The following SMARCC1 variants were observed in gnomAD, a reference collection of about 807,000 sequenced individuals.
SMARCC1 encodes SWI/SNF complex subunit SMARCC1.
A neutral mutation model predicts 147.4 loss-of-function variants in SMARCC1; 43 were observed. That is an observed-to-expected ratio of 0.29 (90% CI 0.23 to 0.38). The LOEUF (loss-of-function observed/expected upper bound fraction) is 0.38, where lower values mean the gene tolerates loss of function less well. SMARCC1 is among the 10% of genes least tolerant of loss of function. SMARCC1 has a pLI of 1.00. For synonymous variants in SMARCC1, 495 were observed against 484.4 expected (o/e 1.02, Z -0.29); for missense variants, 1,119 against 1,381.1 (o/e 0.81, Z 3.01).
chr3:47,720,695 C>T lies in SMARCC1; in HGVS notation c.687G>A (p.Val229=). 1.2e-6 allele frequency: 2 copies of T among 1,613,092 alleles called. No individual in the cohort carries two copies. Among genetic ancestry groups the T allele is most frequent in the Non-Finnish European group, 1.7e-6 (2 of 1,179,180 alleles). Residue 229 remains valine (V), a synonymous_variant, in exon 7 of 28, where the codon GTG becomes GTA. Coordinates refer to ENST00000254480, the MANE Select transcript of SMARCC1 (RefSeq NM_003074.4). Reference sequence around the variant, plus strand: ...CTGGGTAAAAGCCCCAATGCACTAACACTTGCTTCTCTTTTCTCATCACCG... The same window carrying T: ...CTGGGTAAAAGCCCCAATGCACTAATACTTGCTTCTCTTTTCTCATCACCG... ...LRPVMRKEKQ[V]LVHWGFYPDS...
At chr3:47,725,133 T>C (rs1487286822) in intron 6 of SMARCC1, among the ~76,000 whole-genome samples, 1 of 151,500 alleles carries the variant, frequency 6.6e-6, no homozygotes, top group Non-Finnish European at 1.5e-5. Flanking sequence ...AAATGTTATG[T>C]GTTTTTTACC....
intron 9 of SMARCC1, among the ~76,000 whole-genome samples, chr3:47,709,237 G>A (rs1315104808): frequency 6.6e-6 from 1 of 151,950 alleles, no homozygotes; most frequent in Non-Finnish European, 1.5e-5. Flanking sequence ...CTCCAGCCTG[G>A]GCAATAGAAC....
At chr3:47,752,473 T>C (rs1226285143) in intron 2 of SMARCC1, among the ~76,000 whole-genome samples, 2 of 152,104 alleles carry the variant, frequency 1.3e-5, no homozygotes, top group African/African-American at 2.4e-5. Flanking sequence ...ACTTGTTAAT[T>C]CGTATTGGAA....
At chr3:47,777,638 C>T (rs1484796128) in intron 1 of SMARCC1, among the ~76,000 whole-genome samples, 1 of 151,938 alleles carries the variant, frequency 6.6e-6, no homozygotes, top group African/African-American at 2.4e-5. Flanking sequence ...AGTGATTCTC[C>T]TGCCTCAGTC....
intron 20 of SMARCC1, 72 bp from the exon 21 acceptor site, chr3:47,661,527 C>G: frequency 8.2e-7 from 1 of 1,219,658 alleles, no homozygotes; most frequent in Non-Finnish European, 1.2e-6. Context: ...AAACCACCAC[C>G]AGGAAACCCA....
At chr3:47,598,899 A>T (rs999690273) in intron 26 of SMARCC1, among the ~76,000 whole-genome samples, 2 of 151,372 alleles carry the variant, frequency 1.3e-5, no homozygotes, top group African/African-American at 4.9e-5. Flanking sequence ...AGAGACAAAG[A>T]CAGAGAGAGA....
intron 24 of SMARCC1, 69 bp downstream of exon 24, chr3:47,635,121 A>G: frequency 2.2e-6 from 3 of 1,368,182 alleles, no homozygotes; most frequent in Non-Finnish European, 3.1e-6. Context: ...AAATGTTCCC[A>G]ATTAACTAAA....
At chr3:47,635,933 G>A (rs1335880500) in intron 23 of SMARCC1, 89 bp downstream of exon 23, 4 of 682,552 alleles carry the variant, frequency 5.9e-6, no homozygotes, top group Non-Finnish European at 1.0e-5. Flanking sequence ...CAAAATAAAT[G>A]AGGAAATATT....
intron 10 of SMARCC1, among the ~76,000 whole-genome samples, chr3:47,703,088 C>A (rs554956474): frequency 1.4e-4 from 22 of 152,194 alleles, no homozygotes; most frequent in African/African-American, 4.6e-4. Context: ...CAATCACGCA[C>A]CGGCTAATTT....
intron 26 of SMARCC1, 43 bp downstream of exon 26, chr3:47,610,023 T>A: frequency 1.2e-6 from 2 of 1,605,062 alleles, no homozygotes; most frequent in Non-Finnish European, 1.7e-6. Flanking sequence ...TGTGCCTCTG[T>A]AGTGACCATA....
intron 10 of SMARCC1, among the ~76,000 whole-genome samples, chr3:47,703,971 T>G (rs2033959164): frequency 6.6e-6 from 1 of 152,124 alleles, no homozygotes; most frequent in African/African-American, 2.4e-5. Flanking sequence ...TAATTTTTTT[T>G]GTATTTTTAG....
intron 10 of SMARCC1, among the ~76,000 whole-genome samples, chr3:47,702,911 T>C (rs939283019): frequency 6.6e-6 from 1 of 151,988 alleles, no homozygotes; most frequent in African/African-American, 2.4e-5. Context: ...AAAAGTTTTG[T>C]TTTCTTTTCT....
At chr3:47,649,109 ATAC>A (rs375544802) in intron 21 of SMARCC1, among the ~76,000 whole-genome samples, 101 of 152,370 alleles carry the variant, frequency 6.6e-4, no homozygotes, top group African/African-American at 2.3e-3. Flanking sequence ...TGTTTTTACT[ATAC>A]TTGAAAGAGC....
At chr3:47,632,535 G>T (rs937397461) in intron 24 of SMARCC1, among the ~76,000 whole-genome samples, 2 of 152,084 alleles carry the variant, frequency 1.3e-5, no homozygotes, top group African/African-American at 4.8e-5. Context: ...AAACTGGCCA[G>T]GTGAGGTGGC....
chr3:47,738,008 T>A (rs2034464990), intron 4 of SMARCC1, 21 bp downstream of exon 4: 1 of 1,544,400 alleles, frequency 6.5e-7, no homozygotes, highest in South Asian at 1.2e-5. Flanking sequence ...ACTTTTTAAA[T>A]AACCTAAGTT....
rs2034600335 is a variant in SMARCC1 at position 47,749,242 on chromosome 3, T to G, written c.316-3249A>C. 3.9e-5 allele frequency among the ~76,000 whole-genome samples: 6 copies of G among 152,234 alleles called. No homozygotes were observed. In the South Asian group the frequency reaches 1.2e-3, roughly 32 times the overall value. On this transcript the variant is annotated intron_variant, in intron 2 of 27. Transcript: ENST00000254480. ...TCACTTGAACCTGGGAGGCAGAGGT[T>G]GAAGTGAGCTGATGTCATGCCACTG...
At chr3:47,603,132 G>A (rs1027712188) in intron 26 of SMARCC1, among the ~76,000 whole-genome samples, 5 of 151,892 alleles carry the variant, frequency 3.3e-5, no homozygotes, top group Admixed American at 1.3e-4. Context: ...TCAACTTAAA[G>A]GAGATCCCGC....
chr3:47,753,144 G>A (rs1485377660), intron 2 of SMARCC1, among the ~76,000 whole-genome samples: 2 of 151,526 alleles, frequency 1.3e-5, no homozygotes, highest in African/African-American at 4.8e-5. Context: ...AGGAGTCTGA[G>A]ACAATCCTGG....
intron 10 of SMARCC1, 101 bp downstream of exon 10, chr3:47,706,308 T>A: frequency 8.9e-7 from 1 of 1,129,816 alleles, no homozygotes; most frequent in African/African-American, 1.6e-5. Flanking sequence ...CTGACCTCAG[T>A]TGATCTGCCC....
Sources: allele counts gnomAD v4.1 joint callset (sites outside exome capture counted in the v4.1 genomes callset), GRCh38; gene constraint gnomAD v4.1.1; transcripts MANE v1.5; gene names NCBI Gene and HGNC (gene_info 2026-07-23, HGNC 2026-07-21).